NSMCE2: variants seen among roughly 807,000 people sequenced by gnomAD.
The protein encoded by NSMCE2 is E3 SUMO-protein ligase NSE2.
Under a neutral mutation model 23.8 loss-of-function variants are expected in NSMCE2, and 24 were observed. That is an observed-to-expected ratio of 1.01 (90% CI 0.73 to 1.42). NSMCE2 has a LOEUF of 1.42. NSMCE2 is among the 40% of genes most tolerant of loss of function. NSMCE2 has a pLI of 0.00. For synonymous variants in NSMCE2, 92 were observed against 94.1 expected, an observed-to-expected ratio of 0.98 and a Z score of 0.13; for missense variants, 284 against 296.5, an observed-to-expected ratio of 0.96 and a Z score of 0.31.
intron 5 of NSMCE2, among the ~76,000 whole-genome samples, chr8:125,292,486 G>A (rs779673583): frequency 7.9e-5 from 12 of 151,946 alleles, no homozygotes; most frequent in South Asian, 6.2e-4. Flanking sequence ...CCTAGGAGGC[G>A]GAGATTGCAG....
chr8:125,229,103 A>G (rs1271983014), intron 5 of NSMCE2, among the ~76,000 whole-genome samples: 2 of 152,192 alleles, frequency 1.3e-5, no homozygotes, highest in African/African-American at 4.8e-5. Flanking sequence ...CTAGTGGTAG[A>G]ATGAAGGATG....
At chr8:125,274,813 C>T (rs1039236546) in intron 5 of NSMCE2, among the ~76,000 whole-genome samples, 4 of 151,672 alleles carry the variant, frequency 2.6e-5, no homozygotes, top group African/African-American at 9.7e-5. Context: ...GCCTGTAATC[C>T]CAGCTACTTG....
intron 7 of NSMCE2, among the ~76,000 whole-genome samples, chr8:125,363,873 C>G (rs1586824590): frequency 6.6e-6 from 1 of 152,306 alleles, no homozygotes; most frequent in East Asian, 1.9e-4. Context: ...GATCCTCTTT[C>G]ATATAATTGC....
chr8:125,362,115 T>C (rs1813584246), intron 7 of NSMCE2, among the ~76,000 whole-genome samples: 1 of 152,216 alleles, frequency 6.6e-6, no homozygotes, highest in Non-Finnish European at 1.5e-5. Context: ...CTGCGAGGCC[T>C]GAAGGGCTGA....
intron 5 of NSMCE2, among the ~76,000 whole-genome samples, chr8:125,341,348 A>G (rs891138245): frequency 6.6e-6 from 1 of 152,180 alleles, no homozygotes; most frequent in Non-Finnish European, 1.5e-5. Context: ...TAGAGTTCAT[A>G]AAGCAAGTTC....
chr8:125,293,742 G>C (rs988137149), intron 5 of NSMCE2, among the ~76,000 whole-genome samples: 1 of 152,208 alleles, frequency 6.6e-6, no homozygotes, highest in Non-Finnish European at 1.5e-5. Flanking sequence ...GGAGTCCCAA[G>C]TTAGACAGTT....
At chr8:125,218,598 C>T (rs1286646719) in intron 5 of NSMCE2, among the ~76,000 whole-genome samples, 2 of 151,676 alleles carry the variant, frequency 1.3e-5, no homozygotes, top group South Asian at 2.1e-4. Context: ...TTTTAGTAGA[C>T]GTGGGGTTTC....
At chr8:125,275,219 G>C (rs1028332997) in intron 5 of NSMCE2, among the ~76,000 whole-genome samples, 5 of 151,742 alleles carry the variant, frequency 3.3e-5, no homozygotes, top group African/African-American at 1.2e-4. Flanking sequence ...ACTCCATTTG[G>C]AAAACATTTG....
At chr8:125,124,175 C>G (rs1586468189) in intron 3 of NSMCE2, 1 of 152,098 alleles carries the variant, frequency 6.6e-6, no homozygotes, top group South Asian at 2.1e-4. Flanking sequence ...TGGCTGTTTT[C>G]TTAGCATAAG....
intron 5 of NSMCE2, among the ~76,000 whole-genome samples, chr8:125,267,724 C>T (rs1369945942): frequency 2.0e-5 from 3 of 152,126 alleles, no homozygotes; most frequent in Non-Finnish European, 4.4e-5. Context: ...CTGCAGTGAG[C>T]CAAGATCGTG....
intron 5 of NSMCE2, among the ~76,000 whole-genome samples, chr8:125,278,386 G>A (rs1444015685): frequency 6.6e-6 from 1 of 152,180 alleles, no homozygotes; most frequent in African/African-American, 2.4e-5. Flanking sequence ...CAGAATGTAG[G>A]AAGTTGGGGG....
chr8:125,250,831 A>G (rs1266733789), intron 5 of NSMCE2, among the ~76,000 whole-genome samples: 1 of 151,998 alleles, frequency 6.6e-6, no homozygotes, highest in African/African-American at 2.4e-5. Context: ...CTTAGTTTTT[A>G]TGTTTTAAAT....
At chr8:125,176,220 G>A (rs2130784681) in intron 4 of NSMCE2, among the ~76,000 whole-genome samples, 1 of 152,276 alleles carries the variant, frequency 6.6e-6, no homozygotes, top group Admixed American at 6.5e-5. Context: ...TGGATATTTG[G>A]AGTCAGCCTT....
At chr8:125,359,944 CA>C (rs34058076) in intron 7 of NSMCE2, among the ~76,000 whole-genome samples, 1 of 150,442 alleles carries the variant, frequency 6.6e-6, no homozygotes, top group African/African-American at 2.4e-5. Flanking sequence ...AGGCATGAGG[CA>C]AAAAAAAGTC....
At chr8:125,210,972 A>T (rs1242942626) in intron 5 of NSMCE2, among the ~76,000 whole-genome samples, 2 of 152,184 alleles carry the variant, frequency 1.3e-5, no homozygotes, top group East Asian at 3.9e-4. Context: ...GCCTCAAGTG[A>T]TTCACCTGCC....
rs536076725 is a variant in NSMCE2, at chr8:125,094,900, C to A, written c.-111+2942C>A. Among the ~76,000 whole-genome samples the A allele has an allele frequency of 8.9e-4, 136 of 152,308 alleles. 4 individuals carry two copies. In the South Asian group the frequency reaches 0.02, roughly 22 times the overall value. On this transcript the variant is annotated intron_variant, in intron 1 of 7. Transcript: ENST00000287437. ...AGAGGGTCTCGCTCTGTTGCCCAGG[C>A]TGGAGTGCAGTGGCGTGATCATGGC...
chr8:125,342,151 C>T (rs1360065163), intron 5 of NSMCE2, among the ~76,000 whole-genome samples: 1 of 152,146 alleles, frequency 6.6e-6, no homozygotes, highest in East Asian at 1.9e-4. Flanking sequence ...ACAGCCTAGG[C>T]TCATAGACAT....
At chr8:125,206,951 G>A (rs1162342141) in intron 5 of NSMCE2, among the ~76,000 whole-genome samples, 1 of 151,950 alleles carries the variant, frequency 6.6e-6, no homozygotes, top group East Asian at 1.9e-4. Context: ...AGGACCAAGG[G>A]GCTTATGGGC....
chr8:125,108,729 T>C (rs546557842), intron 3 of NSMCE2, among the ~76,000 whole-genome samples: 4 of 152,304 alleles, frequency 2.6e-5, no homozygotes, highest in African/African-American at 9.6e-5. Context: ...TGGATGAGTT[T>C]GGAAGTCTGT....
Sources: gnomAD v4.1 joint callset for allele counts (sites outside exome capture counted in the v4.1 genomes callset) on GRCh38, gnomAD v4.1.1 for gene constraint, MANE v1.5 for transcripts, NCBI Gene and HGNC (gene_info 2026-07-23, HGNC 2026-07-21) for gene names.